EXT2: variants seen among roughly 807,000 people sequenced by gnomAD.
EXT2 encodes exostosin-2.
In EXT2, 53 loss-of-function variants were observed where a neutral mutation model predicts 81.6. The ratio of observed to expected loss-of-function variants is 0.65; its 90% confidence interval spans 0.52 to 0.82. The LOEUF (loss-of-function observed/expected upper bound fraction) is 0.82. EXT2 is among the 40% of genes least tolerant of loss of function. The pLI is 0.00. For missense variants in EXT2, 774 were observed against 910.2 expected (o/e 0.85, Z 1.93); for synonymous variants, 320 against 340.0 (o/e 0.94, Z 0.65).
intron 4 of EXT2, among the ~76,000 whole-genome samples, chr11:44,123,535 C>A (rs1347251383): frequency 6.6e-6 from 1 of 152,118 alleles, no homozygotes; most frequent in Non-Finnish European, 1.5e-5. Context: ...GTTGAGTATC[C>A]CTTATCCAAA....
At chr11:44,239,136 C>G (rs983663064) in intron 13 of EXT2, among the ~76,000 whole-genome samples, 11 of 152,004 alleles carry the variant, frequency 7.2e-5, no homozygotes, top group Non-Finnish European at 1.2e-4. Flanking sequence ...GGAGATGTAC[C>G]TGAACTTGGT....
At chr11:44,202,550 AG>A (rs1359823771) in intron 9 of EXT2, among the ~76,000 whole-genome samples, 1 of 152,222 alleles carries the variant, frequency 6.6e-6, no homozygotes, top group Non-Finnish European at 1.5e-5. Flanking sequence ...GGCCTGGGCC[AG>A]GGGTATACCA....
chr11:44,231,240 A>C (rs930538687), intron 10 of EXT2, among the ~76,000 whole-genome samples: 4 of 152,132 alleles, frequency 2.6e-5, no homozygotes, highest in African/African-American at 7.2e-5. Context: ...ATAGAAGAAG[A>C]GCCAGCAGTA....
chr11:44,151,713 T>C (rs905642734), intron 7 of EXT2, among the ~76,000 whole-genome samples: 1 of 152,202 alleles, frequency 6.6e-6, no homozygotes, highest in Non-Finnish European at 1.5e-5. Flanking sequence ...AAGTTTTCAG[T>C]GCATTTGGGT....
chr11:44,225,567 C>T (rs748503922), intron 10 of EXT2, among the ~76,000 whole-genome samples: 1 of 152,216 alleles, frequency 6.6e-6, no homozygotes, highest in African/African-American at 2.4e-5. Flanking sequence ...CTGCCACTGG[C>T]ACCACAGAGC....
intron 7 of EXT2, among the ~76,000 whole-genome samples, chr11:44,133,115 A>G (rs1954517570): frequency 6.6e-6 from 1 of 152,186 alleles, no homozygotes; most frequent in Non-Finnish European, 1.5e-5. Context: ...GGGCAAGCAA[A>G]ATTGCTTTAA....
In EXT2 at chr11:44,148,512, T is replaced by C. The variant is rs117103655; in HGVS notation, c.1173+18374T>C. Reference sequence around the variant, plus strand: ...ATGCTCCAGTGTTACCCAAGGTAAATCAGGAAGTCTAGAAAAAAGCAGGAC... The same window carrying C: ...ATGCTCCAGTGTTACCCAAGGTAAACCAGGAAGTCTAGAAAAAAGCAGGAC... On this transcript the variant is annotated intron_variant, in intron 7 of 13. Transcript: ENST00000533608. Among the ~76,000 whole-genome samples the C allele has an allele frequency of 7.9e-3, 1,200 of 152,218 alleles. 12 individuals carry two copies. Among genetic ancestry groups the C allele is most frequent in the South Asian group, 0.04 (192 of 4,818 alleles).
At chr11:44,197,771 G>A in intron 8 of EXT2, 58 bp from the exon 9 acceptor site, 1 of 1,573,490 alleles carries the variant, frequency 6.4e-7, no homozygotes, top group Non-Finnish European at 8.7e-7. Context: ...TGACGATATT[G>A]GGTCAGCCAT....
At chr11:44,114,635 ATCC>A in intron 4 of EXT2, among the ~76,000 whole-genome samples, 1 of 152,138 alleles carries the variant, frequency 6.6e-6, no homozygotes, top group African/African-American at 2.4e-5. Context: ...TGCTCCCCGA[ATCC>A]TCCTCCTCTA....
chr11:44,122,852 A>G (rs897082446), intron 4 of EXT2, among the ~76,000 whole-genome samples: 9 of 152,238 alleles, frequency 5.9e-5, no homozygotes, highest in Admixed American at 1.3e-4. Flanking sequence ...AGCACTGGAA[A>G]TGGGCCTAGT....
chr11:44,217,032 T>A (rs1236613071), intron 10 of EXT2, among the ~76,000 whole-genome samples: 1 of 148,716 alleles, frequency 6.7e-6, no homozygotes, highest in East Asian at 2.0e-4. Context: ...TCACTGCTGA[T>A]GGGTGAGGAT....
In EXT2 at chr11:44,250,289, C is replaced by T. The variant is rs1223719563; in HGVS notation, c.*6002C>T. On this transcript the variant is annotated 3_prime_UTR_variant, in exon 14 of 14. Coordinates refer to ENST00000533608, the MANE Select transcript of EXT2 (RefSeq NM_207122.2). ...GAGGATTCCATTAACCCCATCTTCT[C>T]CAATGTATGGAGGATGCAAGAAGCT... Among the ~76,000 whole-genome samples the T allele has an allele frequency of 2.6e-5, 4 of 152,174 alleles. No homozygotes were observed. Among genetic ancestry groups the T allele is most frequent in the African/African-American group, 7.2e-5 (3 of 41,434 alleles).
chr11:44,129,004 T>C (rs1954450501), intron 6 of EXT2, among the ~76,000 whole-genome samples: 1 of 152,206 alleles, frequency 6.6e-6, no homozygotes, highest in African/African-American at 2.4e-5. Context: ...TTTATACAAA[T>C]GTAATTACAA....
chr11:44,232,617 AT>A, intron 11 of EXT2, 121 bp downstream of exon 11: 1 of 1,252,038 alleles, frequency 8.0e-7, no homozygotes, highest in Non-Finnish European at 1.1e-6. Context: ...GTGTGACAGT[AT>A]TTTACAAATA....
intron 4 of EXT2, among the ~76,000 whole-genome samples, chr11:44,119,125 TA>T (rs1332062751): frequency 0.34 from 5,460 of 16,048 alleles, 420 homozygotes; most frequent in East Asian, 0.5. Flanking sequence ...TTTGGCTATT[TA>T]TATATATATA....
chr11:44,168,784 C>T (rs1190672364), intron 7 of EXT2, among the ~76,000 whole-genome samples: 1 of 151,928 alleles, frequency 6.6e-6, no homozygotes, highest in Non-Finnish European at 1.5e-5. Flanking sequence ...AGCTTTCAAA[C>T]AAATAAAAGA....
Position 44,250,103 on chromosome 11 carries a change from G to A in EXT2, c.*5816G>A, listed in dbSNP as rs890859190. Among the ~76,000 whole-genome samples the A allele has an allele frequency of 1.3e-5, 2 of 152,152 alleles. No individual in the cohort carries two copies. The highest frequency in any genetic ancestry group is 2.4e-5 in the African/African-American group (1 of 41,448). ...AAATGTTGTCTTTGCCAGGCAGTGT[G>A]GTAGGCCCAAGAGATATAGCAATTA... On this transcript the variant is annotated 3_prime_UTR_variant, in exon 14 of 14. Coordinates refer to ENST00000533608, the MANE Select transcript of EXT2 (RefSeq NM_207122.2).
At chr11:44,122,730 C>A (rs1954336919) in intron 4 of EXT2, among the ~76,000 whole-genome samples, 2 of 152,146 alleles carry the variant, frequency 1.3e-5, no homozygotes, top group Admixed American at 6.5e-5. Context: ...GTCATCCTGG[C>A]CTCTGGCTCT....
intron 7 of EXT2, among the ~76,000 whole-genome samples, chr11:44,143,892 G>C (rs973420833): frequency 5.9e-5 from 9 of 152,186 alleles, no homozygotes; most frequent in African/African-American, 2.2e-4. Flanking sequence ...TGCTATGTGG[G>C]AAAGAAAATA....
Sources: gnomAD v4.1 joint callset for allele counts (sites outside exome capture counted in the v4.1 genomes callset) on GRCh38, gnomAD v4.1.1 for gene constraint, MANE v1.5 for transcripts, NCBI Gene and HGNC (gene_info 2026-07-23, HGNC 2026-07-21) for gene names.